LCMT1: variants seen among roughly 807,000 people sequenced by gnomAD.
LCMT1 encodes the protein leucine carboxyl methyltransferase 1, also known as [Phosphatase 2A protein]-leucine-carboxy methyltransferase 1.
A neutral mutation model predicts 47.7 loss-of-function variants in LCMT1; 32 were observed. The ratio of observed to expected loss-of-function variants is 0.67; its 90% CI spans 0.51 to 0.90. The LOEUF (loss-of-function observed/expected upper bound fraction) is 0.90. LCMT1 is among the 40% of genes least tolerant of loss of function. The probability of loss-of-function intolerance (pLI) is 0.00; values close to 1 mark genes in which losing one functional copy is unlikely to be tolerated. For missense variants in LCMT1, 375 were observed against 415.2 expected (o/e 0.90, Z 0.84); for synonymous variants, 152 against 149.7 (o/e 1.02, Z -0.11).
chr16:25,128,072 G>A (rs983912081), intron 1 of LCMT1, among the ~76,000 whole-genome samples: 1 of 152,220 alleles, frequency 6.6e-6, no homozygotes, highest in African/African-American at 2.4e-5. Context: ...GTGTTTCTAA[G>A]TCTCCCTTCC....
intron 4 of LCMT1, chr16:25,144,992 GCTCTCTTTCTTCCC>G (rs1960807267): frequency 6.6e-6 from 1 of 152,200 alleles, no homozygotes; most frequent in African/African-American, 2.4e-5. Context: ...CAGTACAAGG[GCTCTCTTTCTTCCC>G]CCTTTTGGGT....
At chr16:25,125,918 AC>A (rs1960161580) in intron 1 of LCMT1, 1 of 1,036,672 alleles carries the variant, frequency 9.6e-7, no homozygotes, top group African/African-American at 1.7e-5. Context: ...TTACTTTCCA[AC>A]TGATGTCCTA....
In LCMT1 at chr16:25,175,056, G is replaced by A. The variant is rs760800359; in HGVS notation, c.982+22G>A. Reference sequence around the variant, plus strand: ...CTTGGTGCGTGATTGTACTTTTCTTGCCTTGACCTGGAAATAGTGAACTTT... The same window carrying A: ...CTTGGTGCGTGATTGTACTTTTCTTACCTTGACCTGGAAATAGTGAACTTT... On this transcript the variant is annotated intron_variant, in intron 10 of 10. Coordinates refer to ENST00000399069, the MANE Select transcript of LCMT1 (RefSeq NM_016309.3). The A allele has an allele frequency of 3.3e-5, 45 of 1,354,804 alleles. No individual in the cohort carries two copies. In the Admixed American group the frequency reaches 7.0e-4, roughly 21 times the overall value. The allele number at this position is 1,354,804 out of a possible 1,614,324, so 83.9% of individuals were successfully genotyped here. A position where few individuals can be genotyped will look rare whatever the true frequency, so the allele number is the denominator to read the frequency against.
At chr16:25,113,235 CAAAA>C (rs1959684919) in intron 1 of LCMT1, among the ~76,000 whole-genome samples, 1 of 150,948 alleles carries the variant, frequency 6.6e-6, no homozygotes, top group Non-Finnish European at 1.5e-5. Flanking sequence ...TAGAGGAACT[CAAAA>C]AATGCTTTAA....
chr16:25,133,589 G>A (rs1184977486), intron 3 of LCMT1, among the ~76,000 whole-genome samples: 1 of 150,544 alleles, frequency 6.6e-6, no homozygotes, highest in Admixed American at 6.6e-5. Flanking sequence ...AGTAGAGACG[G>A]GGTTTCACCG....
At chr16:25,144,805 C>G (rs780552744) in intron 4 of LCMT1, 1 of 152,110 alleles carries the variant, frequency 6.6e-6, no homozygotes, top group Non-Finnish European at 1.5e-5. Flanking sequence ...TTGTCTGTTT[C>G]GAAAAATGAG....
intron 4 of LCMT1, among the ~76,000 whole-genome samples, chr16:25,150,333 GTTTTTTT>G (rs35240331): frequency 6.4e-5 from 6 of 93,524 alleles, no homozygotes; most frequent in South Asian, 4.1e-4. Context: ...TAGTTTTCTG[GTTTTTTT>G]TTTTTTTTTT....
intron 5 of LCMT1, among the ~76,000 whole-genome samples, chr16:25,155,388 A>T (rs1333757646): frequency 6.7e-6 from 1 of 149,106 alleles, no homozygotes; most frequent in Non-Finnish European, 1.5e-5. Flanking sequence ...ACAAAAACAT[A>T]AAAAAAAAAC....
chr16:25,130,115 C>T lies in LCMT1; in HGVS notation c.205+1549C>T, dbSNP rs1051956043. On this transcript the variant is annotated intron_variant, in intron 2 of 10. Coordinates refer to ENST00000399069, the MANE Select transcript of LCMT1 (RefSeq NM_016309.3). Reference sequence around the variant, plus strand: ...CAGCACTTTGGGAGGCCGAGGCGGGCGGACCACGAGGTCAGGAGATCGAGA... The same window carrying T: ...CAGCACTTTGGGAGGCCGAGGCGGGTGGACCACGAGGTCAGGAGATCGAGA... Among the ~76,000 whole-genome samples the T allele has an allele frequency of 1.5e-4, 22 of 149,142 alleles. No homozygotes were observed. The East Asian group carries it at 3.0e-3, about 21-fold the overall frequency.
chr16:25,156,091 T>G (rs1048809121), intron 5 of LCMT1, among the ~76,000 whole-genome samples: 2 of 152,162 alleles, frequency 1.3e-5, no homozygotes, highest in African/African-American at 4.8e-5. Context: ...TCCTCTCTCC[T>G]CTTTGCTTGA....
chr16:25,139,859 A>G (rs760449639), intron 3 of LCMT1, among the ~76,000 whole-genome samples: 3 of 152,120 alleles, frequency 2.0e-5, no homozygotes, highest in Non-Finnish European at 2.9e-5. Flanking sequence ...AATACGGAGT[A>G]TATTCTACTT....
intron 7 of LCMT1, among the ~76,000 whole-genome samples, chr16:25,165,945 AT>A (rs1961575770): frequency 6.6e-6 from 1 of 152,038 alleles, no homozygotes; most frequent in Non-Finnish European, 1.5e-5. Flanking sequence ...AGCATCAGCT[AT>A]TTTTTGTTCT....
Position 25,170,740 on chromosome 16 carries a change from G to A in LCMT1, c.819G>A (p.Trp273Ter). The A allele has an allele frequency of 6.2e-7, 1 of 1,613,324 alleles. No homozygotes were observed. Among genetic ancestry groups the A allele is most frequent in the Non-Finnish European group, 8.5e-7 (1 of 1,179,486 alleles). Residue 273 changes from tryptophan to a stop codon, truncating the protein, a stop_gained, in exon 9 of 11, where the codon TGG (tryptophan) becomes TGA (stop). Transcript: ENST00000399069. LOFTEE classifies it high-confidence loss of function. Reference protein sequence around the residue: ...SQKERLLSNGWETASAVDMME... With the variant: ...SQKERLLSNG ...AAGAACGGCTCCTGTCGAATGGGTG[G>A]GAAACAGCATCGGCCGTCGACATGA...
rs200060418 is a variant in LCMT1, at chr16:25,112,012, G to A, written c.113+16G>A. The A allele has an allele frequency of 2.1e-4, 335 of 1,583,788 alleles. 3 individuals are homozygous for A. The South Asian group carries it at 3.2e-3, about 15-fold the overall frequency. On this transcript the variant is annotated intron_variant, in intron 1 of 10. Transcript: ENST00000399069. ...TGTGCAAGAGGTGCCTGTCGGGCGC[G>A]GGGTTCGGGGCCGGCATCTGGGGCG...
Position 25,170,731 on chromosome 16 carries a change from G to A in LCMT1, c.810G>A (p.Ser270=), listed in dbSNP as rs372024089. Residue 270 remains serine (S), a synonymous_variant, in exon 9 of 11, where the codon TCG becomes TCA. Transcript: ENST00000399069. The stretch of plus-strand genomic sequence containing the variant: ...CATTTTAGAAAGAACGGCTCCTGTC[G>A]AATGGGTGGGAAACAGCATCGGCCG... ...SLESQKERLL[S]NGWETASAVD... The A allele has an allele frequency of 6.2e-6, 10 of 1,613,102 alleles. No individual in the cohort carries two copies. The highest frequency in any genetic ancestry group is 2.2e-5 in the East Asian group (1 of 44,888).
rs541567106 is a variant in LCMT1 at position 25,135,758 on chromosome 16, G to A, written c.327+3235G>A. Among the ~76,000 whole-genome samples the A allele has an allele frequency of 4.5e-4, 68 of 152,220 alleles. No homozygotes were observed. The Middle Eastern group carries it at 0.01, about 23-fold the overall frequency. ...AAAGACTCCCATCTGCTGGCAGTGA[G>A]CAGGAACAGGACAAAGAAGAGTTAG... is the stretch of plus-strand genomic sequence containing the variant. On this transcript the variant is annotated intron_variant, in intron 3 of 10. Coordinates refer to ENST00000399069, the MANE Select transcript of LCMT1 (RefSeq NM_016309.3).
At chr16:25,115,001 C>G (rs184042665) in intron 1 of LCMT1, among the ~76,000 whole-genome samples, 1 of 152,302 alleles carries the variant, frequency 6.6e-6, no homozygotes, top group East Asian at 1.9e-4. Flanking sequence ...CCACATGGAG[C>G]CTATGCACGA....
chr16:25,146,489 C>T (rs1346127359), intron 4 of LCMT1: 1 of 152,296 alleles, frequency 6.6e-6, no homozygotes, highest in Non-Finnish European at 1.5e-5. Flanking sequence ...TGGCTGTCTT[C>T]GATTAGTTGG....
chr16:25,171,274 T>C (rs1961759634), intron 9 of LCMT1, among the ~76,000 whole-genome samples: 1 of 151,620 alleles, frequency 6.6e-6, no homozygotes, highest in Admixed American at 6.6e-5. Flanking sequence ...ATTAGCCGGG[T>C]GTGGTGGCAC....
Sources: allele counts gnomAD v4.1 joint callset (sites outside exome capture counted in the v4.1 genomes callset), GRCh38; gene constraint gnomAD v4.1.1; transcripts MANE v1.5; gene names NCBI Gene and HGNC (gene_info 2026-07-23, HGNC 2026-07-21).